TOMM34: variants seen among roughly 807,000 people sequenced by gnomAD.
TOMM34 encodes the protein translocase of outer mitochondrial membrane 34.
In TOMM34, 24 loss-of-function variants were observed where a neutral mutation model predicts 37.4. That is an observed-to-expected ratio of 0.64 (90% CI 0.46 to 0.90). The LOEUF (loss-of-function observed/expected upper bound fraction) is 0.90. Ranked by LOEUF, TOMM34 falls within the 40% of genes least tolerant of loss-of-function variation. The probability of loss-of-function intolerance (pLI) is 0.00; values close to 1 mark genes in which losing one functional copy is unlikely to be tolerated. For synonymous variants in TOMM34, 154 were observed against 148.9 expected, an observed-to-expected ratio of 1.03 and a Z score of -0.25; for missense variants, 304 against 375.6, an observed-to-expected ratio of 0.81 and a Z score of 1.58.
chr20:44,955,756 C>G (rs1407984267), intron 2 of TOMM34: 2 of 409,484 alleles, frequency 4.9e-6, no homozygotes, highest in African/African-American at 4.1e-5. Context: ...TAATTCAGCA[C>G]AGGCTCTGTG....
At chr20:44,944,293 C>T (rs2066961899) in intron 5 of TOMM34, among the ~76,000 whole-genome samples, 1 of 152,160 alleles carries the variant, frequency 6.6e-6, no homozygotes, top group Admixed American at 6.5e-5. Context: ...TATATATCTT[C>T]CTCATTCAGA....
intron 1 of TOMM34, among the ~76,000 whole-genome samples, chr20:44,957,504 T>G (rs1161516112): frequency 6.6e-6 from 1 of 152,180 alleles, no homozygotes; most frequent in Non-Finnish European, 1.5e-5. Context: ...AAGATAATTT[T>G]CAACCACTTC....
rs1307113946 is a variant in TOMM34, at chr20:44,960,268, G to A, written c.66C>T (p.Asn22=). Reference sequence around the variant, plus strand: ...GCGCGGAGGCCTCGGCGTACTGGCCGTTGCGGAAACTCTCATTGCCGGCGG... The same window carrying A: ...GCGCGGAGGCCTCGGCGTACTGGCCATTGCGGAAACTCTCATTGCCGGCGG... ...LRAAGNESFR[N]GQYAEASALY... is the part of the protein sequence containing the mutation. The change falls in exon 1 of 7, where the codon AAC becomes AAT. Residue 22 remains asparagine (N), a synonymous_variant. Coordinates refer to ENST00000372813, the MANE Select transcript of TOMM34 (RefSeq NM_006809.5). 1.3e-6 allele frequency: 2 copies of A among 1,577,268 alleles called. No individual in the cohort carries two copies. The highest frequency in any genetic ancestry group is 1.7e-6 in the Non-Finnish European group (2 of 1,162,416).
intron 1 of TOMM34, 151 bp from the exon 2 acceptor site, chr20:44,956,636 C>T (rs1046819456): frequency 4.5e-6 from 3 of 665,182 alleles, no homozygotes; most frequent in Non-Finnish European, 5.0e-6. Context: ...GCTGGGCTGG[C>T]GTGTTTGTCA....
At chr20:44,947,661 G>A (rs1486234565) in intron 5 of TOMM34, among the ~76,000 whole-genome samples, 1 of 152,122 alleles carries the variant, frequency 6.6e-6, no homozygotes, top group Non-Finnish European at 1.5e-5. Context: ...ACAGCGCCCA[G>A]CTGATTTTTT....
intron 3 of TOMM34, among the ~76,000 whole-genome samples, chr20:44,954,170 G>C (rs1429382110): frequency 1.3e-5 from 2 of 152,146 alleles, no homozygotes; most frequent in Non-Finnish European, 2.9e-5. Flanking sequence ...CTCCCTCTCA[G>C]CTAGCTAGGT....
At position 44,942,873 on chromosome 20, in the gene TOMM34, C is replaced by G; in HGVS notation, c.*236G>C. 1.7e-6 allele frequency: 1 copy of G among 579,300 alleles called. No individual in the cohort carries two copies. 35.9% of individuals were successfully genotyped at this position (579,300 alleles called of 1,614,324 possible). ...GGGAATAGGGACAGAGCTTCAGCTT[C>G]ACGCTTAGCTCTAGTGGGGACCTTT... On this transcript the variant is annotated 3_prime_UTR_variant, in exon 7 of 7. Transcript: ENST00000372813.
chr20:44,949,372 A>G (rs1457140820), intron 4 of TOMM34, among the ~76,000 whole-genome samples: 1 of 152,230 alleles, frequency 6.6e-6, no homozygotes, highest in Non-Finnish European at 1.5e-5. Flanking sequence ...TCTGGTAAAG[A>G]AAAGGTATAG....
intron 4 of TOMM34, 124 bp downstream of exon 4, chr20:44,951,709 T>C: frequency 3.2e-6 from 4 of 1,237,072 alleles, no homozygotes; most frequent in Non-Finnish European, 4.4e-6. Context: ...TGTATTTTGT[T>C]TTATACTTTG....
chr20:44,956,569 T>C, intron 1 of TOMM34, 84 bp from the exon 2 acceptor site: 1 of 1,336,048 alleles, frequency 7.5e-7, no homozygotes, highest in Non-Finnish European at 1.1e-6. Flanking sequence ...TCAGAGCTCT[T>C]TGGGCCTTGT....
In TOMM34 at chr20:44,956,526, G is replaced by A. The variant is rs761146469; in HGVS notation, c.128-41C>T. Reference sequence around the variant, plus strand: ...GGGGAAGATGATCAGTTTGGAAAATGGGTGCCTCAGGGCATTAGGATACAT... The same window carrying A: ...GGGGAAGATGATCAGTTTGGAAAATAGGTGCCTCAGGGCATTAGGATACAT... On this transcript the variant is annotated intron_variant, in intron 1 of 6. Coordinates refer to ENST00000372813, the MANE Select transcript of TOMM34 (RefSeq NM_006809.5). 65 of 1,590,096 alleles carry A rather than the reference G, an allele frequency of 4.1e-5. No individual in the cohort carries two copies. In the South Asian group the frequency reaches 6.3e-4, roughly 15 times the overall value.
chr20:44,955,491 A>C, intron 2 of TOMM34: 1 of 576,698 alleles, frequency 1.7e-6, no homozygotes, highest in Non-Finnish European at 3.3e-6. Context: ...AAAATCAAGA[A>C]CAAAAGCCTC....
At chr20:44,956,320 G>A (rs1008078598) in intron 2 of TOMM34, 66 bp downstream of exon 2, 3 of 1,474,364 alleles carry the variant, frequency 2.0e-6, no homozygotes, top group East Asian at 2.3e-5. Context: ...GAAGAAACAA[G>A]CCAGATTAAC....
chr20:44,948,741 C>T lies in TOMM34; in HGVS notation c.687G>A (p.Thr229=), dbSNP rs141504984. Residue 229 remains threonine (T), a synonymous_variant, in exon 5 of 7, where the codon ACG becomes ACA. Coordinates refer to ENST00000372813, the MANE Select transcript of TOMM34 (RefSeq NM_006809.5). ...SLLCSNLESA[T]YSNRALCYLV... is the part of the protein sequence containing the mutation. ...TGTATAGGAGATACCTGTTGCTGTA[C>T]GTGGCAGATTCCAGGTTACTACACA... 49 of 1,613,980 alleles carry T rather than the reference C, an allele frequency of 3.0e-5. No homozygotes were observed. The African/African-American group carries it at 5.2e-4, about 17-fold the overall frequency.
chr20:44,956,141 C>G (rs938884456), intron 2 of TOMM34, among the ~76,000 whole-genome samples: 1 of 152,190 alleles, frequency 6.6e-6, no homozygotes, highest in African/African-American at 2.4e-5. Context: ...TTACGGCCTG[C>G]TTCTAACTGC....
intron 6 of TOMM34, 73 bp downstream of exon 6, chr20:44,943,380 A>G: frequency 6.2e-7 from 1 of 1,608,886 alleles, no homozygotes; most frequent in Non-Finnish European, 8.5e-7. Context: ...GCTTGGCTAC[A>G]CCCTGTAAAT....
intron 5 of TOMM34, 131 bp from the exon 6 acceptor site, chr20:44,943,710 A>C (rs1456744765): frequency 8.9e-6 from 12 of 1,350,772 alleles, no homozygotes; most frequent in Non-Finnish European, 1.2e-5. Context: ...TGTCTTCTTA[A>C]ATCCTCACAA....
intron 4 of TOMM34, among the ~76,000 whole-genome samples, chr20:44,949,143 C>T (rs1016540893): frequency 2.0e-5 from 3 of 152,122 alleles, no homozygotes; most frequent in Non-Finnish European, 4.4e-5. Flanking sequence ...TGATAAAAAG[C>T]AACCCAGGTT....
Position 44,960,267 on chromosome 20 carries a change from C to T in TOMM34, c.67G>A (p.Gly23Ser). The change falls in exon 1 of 7, where the codon GGC (glycine) becomes AGC (serine). Residue 23 changes from glycine (G) to serine (S), a missense_variant. Gly to Ser is a moderately conservative substitution (Grantham distance 56). Transcript: ENST00000372813. ...AGCGCGGAGGCCTCGGCGTACTGGC[C>T]GTTGCGGAAACTCTCATTGCCGGCG... Reference protein sequence around the residue: ...RAAGNESFRNGQYAEASALYG... With the variant: ...RAAGNESFRNSQYAEASALYG... 6.3e-7 allele frequency: 1 copy of T among 1,576,954 alleles called. No individual in the cohort carries two copies. Among genetic ancestry groups the T allele is most frequent in the South Asian group, 1.2e-5 (1 of 86,100 alleles).
Sources: allele counts gnomAD v4.1 joint callset (sites outside exome capture counted in the v4.1 genomes callset), GRCh38; gene constraint gnomAD v4.1.1; transcripts MANE v1.5; gene names NCBI Gene and HGNC (gene_info 2026-07-23, HGNC 2026-07-21).